The following SIRPG variants were observed in gnomAD, a reference collection of about 807,000 sequenced individuals.
SIRPG encodes the protein signal-regulatory protein gamma.
SIRPG carries 38 observed loss-of-function variants against 35.7 expected under a neutral mutation model. The ratio of observed to expected loss-of-function variants is 1.06; its 90% CI spans 0.82 to 1.40. The LOEUF (loss-of-function observed/expected upper bound fraction) is 1.40. Among genes scored for constraint, SIRPG ranks in the 40% most tolerant of loss-of-function variants. The probability of loss-of-function intolerance (pLI) is 0.00; values close to 1 mark genes in which losing one functional copy is unlikely to be tolerated. For synonymous variants in SIRPG, 215 were observed against 190.4 expected (o/e 1.13, Z -1.06); for missense variants, 519 against 483.0 (o/e 1.07, Z -0.70).
intron 4 of SIRPG, among the ~76,000 whole-genome samples, chr20:1,634,869 C>T (rs2091781160): frequency 1.3e-5 from 2 of 151,752 alleles, no homozygotes; most frequent in South Asian, 4.2e-4. Context: ...CGGTGAAACC[C>T]CATCTCTACT....
the SIRPG span, among the ~76,000 whole-genome samples, chr20:1,664,127 T>C: frequency 6.6e-6 from 1 of 152,202 alleles, no homozygotes; most frequent in Non-Finnish European, 1.5e-5. Flanking sequence ...TTGTGAATAC[T>C]AATTGAGCAA....
intron 1 of SIRPG, among the ~76,000 whole-genome samples, chr20:1,650,147 G>GC (rs1568736784): frequency 6.6e-6 from 1 of 151,158 alleles, no homozygotes; most frequent in African/African-American, 2.4e-5. Flanking sequence ...TCTAGAGGCT[G>GC]CCCACATTCC....
At chr20:1,657,586 G>T in intron 1 of SIRPG, 56 bp downstream of exon 1, 1 of 1,554,678 alleles carries the variant, frequency 6.4e-7, no homozygotes, top group South Asian at 1.1e-5. Flanking sequence ...AAGTCCAGGG[G>T]CAAGGCTAGG....
chr20:1,643,121 G>T (rs1480535742), intron 2 of SIRPG, among the ~76,000 whole-genome samples: 1 of 152,134 alleles, frequency 6.6e-6, no homozygotes, highest in African/African-American at 2.4e-5. Flanking sequence ...ATCCTGTCTT[G>T]CTAGGTTGGG....
intron 2 of SIRPG, 112 bp downstream of exon 2, chr20:1,648,940 C>A: frequency 9.8e-7 from 1 of 1,018,926 alleles, no homozygotes; most frequent in Non-Finnish European, 1.5e-6. Context: ...GACAACAGGT[C>A]TTGAAAATGA....
At chr20:1,631,597 T>C (rs936317141) in intron 4 of SIRPG, among the ~76,000 whole-genome samples, 17 of 152,308 alleles carry the variant, frequency 1.1e-4, no homozygotes, top group African/African-American at 4.1e-4. Flanking sequence ...CTAGTCTGCC[T>C]TACAGAGAAA....
chr20:1,664,858 T>G, the SIRPG span, among the ~76,000 whole-genome samples: 3 of 152,086 alleles, frequency 2.0e-5, no homozygotes, highest in Non-Finnish European at 4.4e-5. Context: ...ACGCAGGCAC[T>G]CAGAGGATCA....
In SIRPG at chr20:1,636,169, G is replaced by A; in HGVS notation, c.748+19C>T. On this transcript the variant is annotated intron_variant, in intron 3 of 5. Coordinates refer to ENST00000303415, the MANE Select transcript of SIRPG (RefSeq NM_018556.4). ...TGACAGCCAGGTGTGGGCTTGGGCT[G>A]GGTGTGAGGGTCCTCTACCTCGGAT... 3.2e-6 allele frequency: 5 copies of A among 1,571,780 alleles called. No homozygotes were observed. In the African/African-American group the frequency reaches 7.1e-5, roughly 22 times the overall value.
At chr20:1,681,257 G>A in the SIRPG span, among the ~76,000 whole-genome samples, 2 of 152,168 alleles carry the variant, frequency 1.3e-5, no homozygotes, top group Non-Finnish European at 2.9e-5. Flanking sequence ...ACTAGCAGCA[G>A]CTGCAGAAAT....
chr20:1,641,251 G>T (rs112031631), intron 2 of SIRPG, among the ~76,000 whole-genome samples: 4 of 152,010 alleles, frequency 2.6e-5, no homozygotes, highest in African/African-American at 4.8e-5. Flanking sequence ...GGCTTTTTTT[G>T]GTTGGTAGGC....
intron 4 of SIRPG, among the ~76,000 whole-genome samples, chr20:1,634,434 C>G (rs1289739672): frequency 1.3e-5 from 2 of 151,586 alleles, no homozygotes; most frequent in Admixed American, 1.3e-4. Context: ...GTCTCGATCT[C>G]CTGACCTCGT....
intron 4 of SIRPG, among the ~76,000 whole-genome samples, chr20:1,631,870 TA>T (rs1377522161): frequency 9.2e-5 from 14 of 152,258 alleles, no homozygotes; most frequent in African/African-American, 3.4e-4. Context: ...TCACTGGGCA[TA>T]TTTTTTTTGG....
At chr20:1,668,147 CTTTT>C in the SIRPG span, among the ~76,000 whole-genome samples, 1 of 101,100 alleles carries the variant, frequency 9.9e-6, no homozygotes, top group East Asian at 6.2e-4. Flanking sequence ...CTTTTCTTTT[CTTTT>C]TTTCTTTTCT....
At chr20:1,646,492 A>G (rs1327277173) in intron 2 of SIRPG, 1 of 152,278 alleles carries the variant, frequency 6.6e-6, no homozygotes, top group Non-Finnish European at 1.5e-5. Flanking sequence ...TGAAGGAGAA[A>G]CAGCACAACA....
chr20:1,674,319 C>A, the SIRPG span, among the ~76,000 whole-genome samples: 1 of 152,110 alleles, frequency 6.6e-6, no homozygotes, highest in South Asian at 2.1e-4. Flanking sequence ...CCTGGAGAAG[C>A]ACTGACCCAT....
rs1282079267 is a variant in SIRPG, at chr20:1,636,449, T to C, written c.487A>G (p.Thr163Ala). The C allele has an allele frequency of 6.2e-7, 1 of 1,614,212 alleles. No individual in the cohort carries two copies. The highest frequency in any genetic ancestry group is 8.5e-7 in the Non-Finnish European group (1 of 1,180,036). ...TGGGACTCACAGGTGAAACTCACTG[T>C]ATGCTCAGGTGTGGTCCTCGCCGCA... ...GPAARTTPEH[T>A]VSFTCESHGF... The change falls in exon 3 of 6, where the codon ACA becomes GCA. Residue 163 changes from threonine to alanine, a missense_variant. Physicochemically the swap from Thr to Ala is moderately conservative, Grantham distance 58. Transcript: ENST00000303415.
At chr20:1,676,747 TG>T in the SIRPG span, 1 of 202,766 alleles carries the variant, frequency 4.9e-6, no homozygotes, top group Non-Finnish European at 1.0e-5. Context: ...GATTAATTCG[TG>T]GCCTGGTCCA....
At chr20:1,663,245 A>G in the SIRPG span, among the ~76,000 whole-genome samples, 5 of 152,318 alleles carry the variant, frequency 3.3e-5, no homozygotes, top group East Asian at 9.7e-4. Context: ...CCTGGGAGGC[A>G]GAGCTTGCAG....
chr20:1,653,115 C>T (rs1234427068), intron 1 of SIRPG, among the ~76,000 whole-genome samples: 2 of 152,172 alleles, frequency 1.3e-5, no homozygotes, highest in Admixed American at 6.5e-5. Flanking sequence ...TCCCTTCACA[C>T]CACATTGCCC....
Sources: allele counts gnomAD v4.1 joint callset (sites outside exome capture counted in the v4.1 genomes callset), GRCh38; gene constraint gnomAD v4.1.1; transcripts MANE v1.5; gene names NCBI Gene and HGNC (gene_info 2026-07-23, HGNC 2026-07-21).